ARHGAP26: variants seen among roughly 807,000 people sequenced by gnomAD.
The protein encoded by ARHGAP26 is Rho GTPase activating protein 26.
Under a neutral mutation model 104.8 loss-of-function variants are expected in ARHGAP26, and 38 were observed. The ratio of observed to expected loss-of-function variants is 0.36; its 90% CI spans 0.28 to 0.48. ARHGAP26 has a LOEUF of 0.48. Among genes scored for constraint, ARHGAP26 ranks in the 20% least tolerant of loss-of-function variants. The pLI, the probability that ARHGAP26 is intolerant of heterozygous loss-of-function variation, is 0.99. For missense variants in ARHGAP26, 704 were observed against 947.9 expected (o/e 0.74, Z 3.38); for synonymous variants, 341 against 340.0 (o/e 1.00, Z -0.03).
At chr5:142,792,582 C>G (rs1201535403) in intron 1 of ARHGAP26, among the ~76,000 whole-genome samples, 2 of 152,168 alleles carry the variant, frequency 1.3e-5, no homozygotes, top group East Asian at 1.9e-4. Flanking sequence ...GTGCAGGGAT[C>G]TAGTACCACA....
At chr5:142,819,114 A>G (rs929136522) in intron 1 of ARHGAP26, among the ~76,000 whole-genome samples, 1 of 152,128 alleles carries the variant, frequency 6.6e-6, no homozygotes, top group Non-Finnish European at 1.5e-5. Flanking sequence ...CTTTTTCTCT[A>G]GGGCAGCTGG....
chr5:142,780,619 A>C (rs531598082), intron 1 of ARHGAP26, among the ~76,000 whole-genome samples: 13 of 152,370 alleles, frequency 8.5e-5, no homozygotes, highest in African/African-American at 2.9e-4. Flanking sequence ...ATCATTCCCT[A>C]AACTGAGACA....
At chr5:143,100,680 C>T (rs1234069621) in intron 17 of ARHGAP26, among the ~76,000 whole-genome samples, 1 of 152,240 alleles carries the variant, frequency 6.6e-6, no homozygotes. Flanking sequence ...AGGGACTCTG[C>T]TGGCTTTGTG....
chr5:143,014,314 AG>A (rs1779298160), intron 12 of ARHGAP26, 198 bp downstream of exon 12: 1 of 623,424 alleles, frequency 1.6e-6, no homozygotes, highest in Non-Finnish European at 2.9e-6. Flanking sequence ...CTGGCTGGCA[AG>A]GCTGTAGTGT....
At chr5:143,190,890 A>G (rs1473589885) in intron 20 of ARHGAP26, among the ~76,000 whole-genome samples, 2 of 152,242 alleles carry the variant, frequency 1.3e-5, no homozygotes, top group East Asian at 3.8e-4. Context: ...ACGCCAGAAC[A>G]TGGGTGAACT....
At chr5:143,193,334 G>A (rs1426421483) in intron 20 of ARHGAP26, among the ~76,000 whole-genome samples, 2 of 129,826 alleles carry the variant, frequency 1.5e-5, no homozygotes, top group East Asian at 2.5e-4. Flanking sequence ...TGCAACCTCC[G>A]CCTCCCAGGT....
chr5:142,928,318 A>G (rs1764222346), intron 10 of ARHGAP26, among the ~76,000 whole-genome samples: 1 of 152,004 alleles, frequency 6.6e-6, no homozygotes, highest in African/African-American at 2.4e-5. Context: ...ACTTCTATAG[A>G]AAGTAAGCCC....
intron 21 of ARHGAP26, among the ~76,000 whole-genome samples, chr5:143,212,047 G>A (rs993578654): frequency 1.3e-5 from 2 of 152,100 alleles, no homozygotes; most frequent in East Asian, 3.9e-4. Context: ...GTTTAGTGAG[G>A]TTAATAAATA....
chr5:143,117,014 G>A (rs1323650933), intron 17 of ARHGAP26, among the ~76,000 whole-genome samples: 1 of 152,236 alleles, frequency 6.6e-6, no homozygotes, highest in Non-Finnish European at 1.5e-5. Context: ...GCCAAAGGAA[G>A]CCTGTAGAAT....
rs911018094 is a variant in ARHGAP26, at chr5:143,223,373, A to T, written c.*927A>T. The T allele has an allele frequency of 4.3e-6, 1 of 232,744 alleles. No homozygotes were observed. The highest frequency in any genetic ancestry group is 8.5e-6 in the Non-Finnish European group (1 of 117,530). 14.4% of individuals were successfully genotyped at this position (232,744 alleles called of 1,614,324 possible). A position where few individuals can be genotyped will look rare whatever the true frequency, so the allele number is the denominator to read the frequency against. On this transcript the variant is annotated 3_prime_UTR_variant, in exon 23 of 23. Transcript: ENST00000645722. ...TTCTGATTAATTTCAGCAGCATCGG[A>T]ATATATTTGGAGCACACCCTAGTAA...
intron 11 of ARHGAP26, among the ~76,000 whole-genome samples, chr5:142,991,002 A>G (rs1449693752): frequency 6.6e-6 from 1 of 152,136 alleles, no homozygotes; most frequent in Non-Finnish European, 1.5e-5. Flanking sequence ...TCAGATAGGG[A>G]TGTTTAAGTC....
At chr5:142,866,012 A>G (rs1367104773) in intron 1 of ARHGAP26, among the ~76,000 whole-genome samples, 2 of 142,840 alleles carry the variant, frequency 1.4e-5, no homozygotes, top group African/African-American at 5.2e-5. Context: ...CTCAAACGCT[A>G]CTCCCTGTTC....
intron 11 of ARHGAP26, among the ~76,000 whole-genome samples, chr5:142,981,684 A>G (rs1327975234): frequency 6.6e-6 from 1 of 152,136 alleles, no homozygotes; most frequent in Non-Finnish European, 1.5e-5. Context: ...CTTTCTGTAT[A>G]CTTTCTACTT....
At chr5:142,886,514 A>C (rs1378978848) in intron 5 of ARHGAP26, among the ~76,000 whole-genome samples, 1 of 152,260 alleles carries the variant, frequency 6.6e-6, no homozygotes, top group African/African-American at 2.4e-5. Context: ...ACAAAGGTTT[A>C]TAATGGACTT....
intron 20 of ARHGAP26, among the ~76,000 whole-genome samples, chr5:143,188,661 CA>C (rs1399632557): frequency 6.6e-6 from 1 of 152,150 alleles, no homozygotes; most frequent in African/African-American, 2.4e-5. Context: ...ACTAACATTT[CA>C]GGTAGGTATA....
At chr5:142,881,828 G>C (rs1406906073) in intron 4 of ARHGAP26, among the ~76,000 whole-genome samples, 1 of 152,210 alleles carries the variant, frequency 6.6e-6, no homozygotes, top group African/African-American at 2.4e-5. Context: ...TGGAGGTTCT[G>C]AACTCTGTCT....
At chr5:142,930,557 C>G (rs1764560299) in intron 10 of ARHGAP26, among the ~76,000 whole-genome samples, 1 of 152,114 alleles carries the variant, frequency 6.6e-6, no homozygotes. Context: ...AACACGCCCA[C>G]TCATCTAGCT....
chr5:143,093,504 C>CTCTT (rs915572330), intron 17 of ARHGAP26, among the ~76,000 whole-genome samples: 10 of 151,990 alleles, frequency 6.6e-5, no homozygotes, highest in African/African-American at 2.4e-4. Context: ...CTATCTCTCT[C>CTCTT]TCTTTCTTTC....
At chr5:142,942,122 G>A (rs893911538) in intron 11 of ARHGAP26, among the ~76,000 whole-genome samples, 3 of 152,108 alleles carry the variant, frequency 2.0e-5, no homozygotes, top group Non-Finnish European at 4.4e-5. Flanking sequence ...GGTGGAGGAT[G>A]ACCAAAATTG....
Sources: gnomAD v4.1 joint callset for allele counts (sites outside exome capture counted in the v4.1 genomes callset) on GRCh38, gnomAD v4.1.1 for gene constraint, MANE v1.5 for transcripts, NCBI Gene and HGNC (gene_info 2026-07-23, HGNC 2026-07-21) for gene names.